The following MS4A13 variants were observed in gnomAD, a reference collection of about 807,000 sequenced individuals.
MS4A13 encodes the protein membrane spanning 4-domains A13, also known as membrane-spanning 4-domains subfamily A member 13.
In MS4A13, 21 loss-of-function variants were observed where a neutral mutation model predicts 18.4. That is an observed-to-expected ratio of 1.14 (90% CI 0.81 to 1.64). MS4A13 has a LOEUF of 1.64. Ranked by LOEUF, MS4A13 falls within the 40% of genes most tolerant of loss-of-function variation. The pLI is 0.00. For missense variants in MS4A13, 173 were observed against 176.8 expected, an observed-to-expected ratio of 0.98 and a Z score of 0.12; for synonymous variants, 62 against 57.2, an observed-to-expected ratio of 1.08 and a Z score of -0.38.
At chr11:60,523,240 CT>C (rs1423505574) in intron 3 of MS4A13, among the ~76,000 whole-genome samples, 3 of 152,132 alleles carry the variant, frequency 2.0e-5, no homozygotes, top group African/African-American at 7.2e-5. Context: ...TGACTTGGAT[CT>C]TTAGTGTCTT....
chr11:60,518,795 A>G (rs1412313217), intron 3 of MS4A13, among the ~76,000 whole-genome samples: 1 of 152,236 alleles, frequency 6.6e-6, no homozygotes, highest in Non-Finnish European at 1.5e-5. Flanking sequence ...TTTTACAAGT[A>G]GTTTCAGTGG....
intron 3 of MS4A13, among the ~76,000 whole-genome samples, chr11:60,521,135 G>C (rs944272872): frequency 8.5e-5 from 13 of 152,198 alleles, no homozygotes; most frequent in Non-Finnish European, 2.9e-5. Context: ...GCTGCACATA[G>C]TACAGGGGCC....
Position 60,525,289 on chromosome 11 carries a change from A to C in MS4A13, c.269A>C (p.His90Pro). 1.3e-6 allele frequency: 2 copies of C among 1,592,546 alleles called. No individual in the cohort carries two copies. The highest frequency in any genetic ancestry group is 1.7e-6 in the Non-Finnish European group (2 of 1,163,372). Residue 90 changes from histidine to proline, a missense_variant, in exon 5 of 7, where the codon CAT becomes CCT. Coordinates refer to ENST00000378186, the MANE Select transcript of MS4A13 (RefSeq NM_001012417.3). ...AVTLTIIELS[H>P]FNSVSYRNYG... ...ACTCTAACAATAATAGAGTTGTCTC[A>C]TTTTAATTCTGTGTCATACAGGAAT...
intron 4 of MS4A13, among the ~76,000 whole-genome samples, chr11:60,524,425 C>T (rs1377113285): frequency 3.3e-5 from 5 of 152,014 alleles, no homozygotes; most frequent in African/African-American, 7.2e-5. Flanking sequence ...AGAGCTAAAA[C>T]GTACCTTAGA....
At chr11:60,529,858 A>C (rs2086751624) in intron 6 of MS4A13, among the ~76,000 whole-genome samples, 1 of 152,208 alleles carries the variant, frequency 6.6e-6, no homozygotes, top group Admixed American at 6.5e-5. Flanking sequence ...TATCTAAATA[A>C]TGCCTTTTAT....
At chr11:60,527,546 G>A (rs2086728148) in intron 5 of MS4A13, among the ~76,000 whole-genome samples, 1 of 151,670 alleles carries the variant, frequency 6.6e-6, no homozygotes, top group South Asian at 2.1e-4. Context: ...ATAAATTAAA[G>A]AATATGGGGC....
chr11:60,542,627 T>G lies in MS4A13; in HGVS notation c.*52T>G, dbSNP rs762738138. The G allele has an allele frequency of 1.7e-6, 2 of 1,149,132 alleles. No individual in the cohort carries two copies. 71.2% of individuals were successfully genotyped at this position (1,149,132 alleles called of 1,614,324 possible). On this transcript the variant is annotated 3_prime_UTR_variant, in exon 7 of 7. Transcript: ENST00000378186. ...TGTTGCTGATGCCTGGTGTGGGTCC[T>G]AATGATATCTCTGTATAACAAAGCA...
At chr11:60,530,384 G>A (rs1315102223) in intron 6 of MS4A13, among the ~76,000 whole-genome samples, 1 of 152,180 alleles carries the variant, frequency 6.6e-6, no homozygotes, top group Non-Finnish European at 1.5e-5. Context: ...GATGGTCAAG[G>A]AAGACTACTA....
intron 5 of MS4A13, among the ~76,000 whole-genome samples, chr11:60,529,023 A>G (rs748319509): frequency 2.0e-5 from 3 of 152,196 alleles, no homozygotes; most frequent in Non-Finnish European, 2.9e-5. Flanking sequence ...ATCATTAGAG[A>G]CAGGAAAGTC....
chr11:60,530,530 A>C (rs2086757710), intron 6 of MS4A13, among the ~76,000 whole-genome samples: 1 of 152,218 alleles, frequency 6.6e-6, no homozygotes, highest in South Asian at 2.1e-4. Context: ...TGAAATTATA[A>C]AACTGAACAA....
chr11:60,522,264 A>G (rs1348941708), intron 3 of MS4A13, among the ~76,000 whole-genome samples: 1 of 95,426 alleles, frequency 1.0e-5, no homozygotes, highest in Non-Finnish European at 2.3e-5. Context: ...ATATATACAC[A>G]CATATATATG....
At chr11:60,528,178 G>C (rs1201503383) in intron 5 of MS4A13, among the ~76,000 whole-genome samples, 1 of 151,910 alleles carries the variant, frequency 6.6e-6, no homozygotes, top group Non-Finnish European at 1.5e-5. Flanking sequence ...TTACTCTACT[G>C]GTTGTATTTT....
intron 6 of MS4A13, among the ~76,000 whole-genome samples, chr11:60,536,759 T>C (rs1256921059): frequency 2.0e-5 from 2 of 100,274 alleles, no homozygotes; most frequent in African/African-American, 8.7e-5. Flanking sequence ...GGCATCACAC[T>C]ACCTGACTTC....
At chr11:60,538,347 T>C (rs2086827478) in intron 6 of MS4A13, among the ~76,000 whole-genome samples, 1 of 151,686 alleles carries the variant, frequency 6.6e-6, no homozygotes, top group Non-Finnish European at 1.5e-5. Flanking sequence ...AGGGATCAAT[T>C]ACGTAGACTG....
At chr11:60,531,188 G>A (rs2086763868) in intron 6 of MS4A13, among the ~76,000 whole-genome samples, 1 of 152,060 alleles carries the variant, frequency 6.6e-6, no homozygotes, top group African/African-American at 2.4e-5. Flanking sequence ...AAAGTTCCAA[G>A]ACCAAAAGCG....
rs150496291 is a variant in MS4A13 at position 60,530,041 on chromosome 11, G to A, written c.402+581G>A. On this transcript the variant is annotated intron_variant, in intron 6 of 6. Transcript: ENST00000378186. ...TTTGATTCCTAGAAATGTCATTGCA[G>A]GATCAAGTGTAACAACATCCCAAAA... 6.6e-5 allele frequency among the ~76,000 whole-genome samples: 10 copies of A among 152,280 alleles called. No homozygotes were observed. The East Asian group carries it at 1.2e-3, about 18-fold the overall frequency.
intron 6 of MS4A13, among the ~76,000 whole-genome samples, chr11:60,540,156 G>A (rs2086845150): frequency 6.6e-6 from 1 of 152,078 alleles, no homozygotes; most frequent in Admixed American, 6.6e-5. Context: ...TTAATTTAAG[G>A]TCGTGTTATT....
chr11:60,539,424 T>C lies in MS4A13; in HGVS notation c.403-3095T>C, dbSNP rs1440022411. ...AGACATAAAGAGAGCAAAAAAGATA[T>C]TGCCCAGTCCGAAGAACAGGAAAAA... On this transcript the variant is annotated intron_variant, in intron 6 of 6. Coordinates refer to ENST00000378186, the MANE Select transcript of MS4A13 (RefSeq NM_001012417.3). Among the ~76,000 whole-genome samples the C allele has an allele frequency of 4.6e-5, 7 of 151,602 alleles. No homozygotes were observed. In the South Asian group the frequency reaches 1.0e-3, roughly 23 times the overall value.
At chr11:60,516,607 C>T (rs117327140) in intron 2 of MS4A13, among the ~76,000 whole-genome samples, 2,265 of 152,242 alleles carry the variant, frequency 0.015, 26 homozygotes, top group Middle Eastern at 0.055. Context: ...ACCATTTTGG[C>T]ATAGAATGAA....
Sources: allele counts gnomAD v4.1 joint callset (sites outside exome capture counted in the v4.1 genomes callset), GRCh38; gene constraint gnomAD v4.1.1; transcripts MANE v1.5; gene names NCBI Gene and HGNC (gene_info 2026-07-23, HGNC 2026-07-21).